Variants in ARHGEF17 observed in about 807,000 individuals in gnomAD.
ARHGEF17 encodes 164 kDa Rho-specific guanine-nucleotide exchange factor.
ARHGEF17 carries 80 observed loss-of-function variants against 174.0 expected under a neutral mutation model. The observed-to-expected ratio is 0.46, with a 90% CI of 0.38 to 0.55. The LOEUF (loss-of-function observed/expected upper bound fraction) is 0.55, where lower values mean the gene tolerates loss of function less well. Among genes scored for constraint, ARHGEF17 ranks in the 20% least tolerant of loss-of-function variants. The pLI is 0.00. For missense variants in ARHGEF17, 2,886 were observed against 2,839.7 expected (o/e 1.02, Z -0.37); for synonymous variants, 1,311 against 1,189.1 (o/e 1.10, Z -2.11).
chr11:73,316,842 A>T (rs1035128296), intron 1 of ARHGEF17, among the ~76,000 whole-genome samples: 4 of 152,110 alleles, frequency 2.6e-5, no homozygotes, highest in African/African-American at 9.7e-5. Flanking sequence ...CTCCATGTGG[A>T]TAGATTGCAA....
chr11:73,364,295 T>C, intron 17 of ARHGEF17, 56 bp downstream of exon 17: 1 of 1,603,696 alleles, frequency 6.2e-7, no homozygotes, highest in Non-Finnish European at 8.5e-7. Flanking sequence ...GTGTTGGGGC[T>C]CTCTCCTGGA....
At position 73,367,593 on chromosome 11, in the gene ARHGEF17, A is replaced by T. The variant is rs753453899; in HGVS notation, c.6005A>T (p.Lys2002Met). The stretch of plus-strand genomic sequence containing the variant: ...TCCCCTCTGCCCCCAGGCCCCGAGA[A>T]GCTGCCATCACTGGAGCACCGGGAC... The part of the protein sequence containing the change: ...PPPPPDTGPE[K>M]LPSLEHRDSP... Residue 2002 changes from lysine (K) to methionine (M), a missense_variant, in exon 21 of 21, where the codon AAG becomes ATG. Transcript: ENST00000263674. 2.2e-5 allele frequency: 35 copies of T among 1,611,810 alleles called. No homozygotes were observed. The Admixed American group carries it at 5.8e-4, about 27-fold the overall frequency.
chr11:73,348,636 G>A (rs1865503232), intron 2 of ARHGEF17, among the ~76,000 whole-genome samples: 1 of 152,056 alleles, frequency 6.6e-6, no homozygotes. Flanking sequence ...GAGGGAATGG[G>A]GAGTTACTAT....
chr11:73,317,313 A>G (rs1864943936), intron 1 of ARHGEF17, among the ~76,000 whole-genome samples: 1 of 152,130 alleles, frequency 6.6e-6, no homozygotes, highest in South Asian at 2.1e-4. Flanking sequence ...CCCCCAAGGT[A>G]GCCCCATCCC....
intron 7 of ARHGEF17, 128 bp downstream of exon 7, chr11:73,356,887 C>A: frequency 6.6e-7 from 1 of 1,503,836 alleles, no homozygotes. Flanking sequence ...CGAGTCCCCA[C>A]TCTGCTCTGA....
rs574921204 is a variant in ARHGEF17 at position 73,361,943 on chromosome 11, C to T, written c.4495-97C>T. 2.8e-6 allele frequency: 4 copies of T among 1,435,152 alleles called. No individual in the cohort carries two copies. In the African/African-American group the frequency reaches 4.2e-5, roughly 15 times the overall value. The allele number at this position is 1,435,152 out of a possible 1,614,324, so 88.9% of individuals were successfully genotyped here. On this transcript the variant is annotated intron_variant, in intron 12 of 20. Transcript: ENST00000263674. ...ATCCACACACACACACCCATGCAGG[C>T]CTGCCTCCCTCCATTCTGCCGGGGT...
At chr11:73,357,459 G>C in intron 9 of ARHGEF17, 132 bp downstream of exon 9, 3 of 781,404 alleles carry the variant, frequency 3.8e-6, no homozygotes, top group Non-Finnish European at 6.2e-6. Flanking sequence ...CTCTCATCCA[G>C]TGCAAGGGGG....
Position 73,308,491 on chromosome 11 carries a change from G to A in ARHGEF17, c.-148G>A. On this transcript the variant is annotated 5_prime_UTR_variant, in exon 1 of 21. Coordinates refer to ENST00000263674, the MANE Select transcript of ARHGEF17 (RefSeq NM_014786.4). The stretch of plus-strand genomic sequence containing the variant: ...CCACAGAAACTTGAGCCGCGGCAGA[G>A]AAACCTCTGCTCCGGTCTCTGCGTC... The A allele has an allele frequency of 2.9e-6, 2 of 694,056 alleles. No homozygotes were observed. Among genetic ancestry groups the A allele is most frequent in the Non-Finnish European group, 4.1e-6 (2 of 486,830 alleles). 43.0% of individuals were successfully genotyped at this position (694,056 alleles called of 1,614,324 possible). A position where few individuals can be genotyped will look rare whatever the true frequency, so the allele number is the denominator to read the frequency against.
rs770333924 is a variant in ARHGEF17, at chr11:73,311,483, C to T, written c.2845C>T (p.Arg949Trp). ...GSQDQTGSLS[R>W]ARPSSRHVRH... is the part of the protein sequence containing the mutation. ...TCAGGACCAGACTGGCAGCCTGTCTCGGGCCCGGCCCTCCTCCAGACACGT... is the reference window on the plus strand; with the variant it reads ...TCAGGACCAGACTGGCAGCCTGTCTTGGGCCCGGCCCTCCTCCAGACACGT... Residue 949 changes from arginine to tryptophan, a missense_variant, in exon 1 of 21, where the codon CGG becomes TGG. Physicochemically the swap from Arg to Trp is moderately radical, Grantham distance 101. This residue lies in a region of ARHGEF17 where 1,728 missense variants were observed against 1,461.2 expected (regional missense o/e 1.18). Coordinates refer to ENST00000263674, the MANE Select transcript of ARHGEF17 (RefSeq NM_014786.4). 8.1e-6 allele frequency: 13 copies of T among 1,613,050 alleles called. No homozygotes were observed. Among genetic ancestry groups the T allele is most frequent in the African/African-American group, 1.3e-5 (1 of 74,932 alleles).
In ARHGEF17 at chr11:73,362,161, TG is replaced by T. The variant is rs1247574627; in HGVS notation, c.4618del (p.Glu1540ArgfsTer32). ...CTGAGCCTGCGCGCCGAGCCGGACGTGGAGGCCTGCATCGCCGTCTGTTCCG... is the reference window on the plus strand; with the variant it reads ...CTGAGCCTGCGCGCCGAGCCGGACGTGAGGCCTGCATCGCCGTCTGTTCCG... ...CLLSLRAEPDVEACIAVCSAR... is the reference protein window; with the variant it reads ...CLLSLRAEPDXEACIAVCSAR... On this transcript the variant is annotated frameshift_variant, in exon 13 of 21. Coordinates refer to ENST00000263674, the MANE Select transcript of ARHGEF17 (RefSeq NM_014786.4). LOFTEE classifies it high-confidence loss of function. 1.2e-6 allele frequency: 2 copies of T among 1,602,562 alleles called. No homozygotes were observed. The highest frequency in any genetic ancestry group is 2.7e-5 in the African/African-American group (2 of 74,482).
intron 1 of ARHGEF17, among the ~76,000 whole-genome samples, chr11:73,331,614 G>A (rs985218875): frequency 2.0e-5 from 3 of 152,168 alleles, no homozygotes; most frequent in Non-Finnish European, 4.4e-5. Context: ...GGTTGGGCGA[G>A]GGGGAGTGGG....
In ARHGEF17 at chr11:73,311,814, G is replaced by A; in HGVS notation, c.3176G>A (p.Cys1059Tyr). The change falls in exon 1 of 21, where the codon TGC (cysteine) becomes TAC (tyrosine). Residue 1059 changes from cysteine (C) to tyrosine (Y), a missense_variant. Cys to Tyr is a radical substitution (Grantham distance 194, BLOSUM62 -2). Coordinates refer to ENST00000263674, the MANE Select transcript of ARHGEF17 (RefSeq NM_014786.4). ...ADEPTPASKC[C>Y]SKPQVDMRKH... ...GAGCCTACCCCTGCCAGCAAGTGCT[G>A]CAGCAAGCCACAGGTGGTGAGTCCT... 6.2e-7 allele frequency: 1 copy of A among 1,603,944 alleles called. No individual in the cohort carries two copies. The highest frequency in any genetic ancestry group is 8.5e-7 in the Non-Finnish European group (1 of 1,172,952).
rs574983655 is a variant in ARHGEF17 at position 73,367,882 on chromosome 11, G to T, written c.*102G>T. Reference sequence around the variant, plus strand: ...CTTTGACCAGGAGTATCCAGCCAGGGGCACACATGTGCCTGCGTGGGCTCT... The same window carrying T: ...CTTTGACCAGGAGTATCCAGCCAGGTGCACACATGTGCCTGCGTGGGCTCT... On this transcript the variant is annotated 3_prime_UTR_variant, in exon 21 of 21. Coordinates refer to ENST00000263674, the MANE Select transcript of ARHGEF17 (RefSeq NM_014786.4). The T allele has an allele frequency of 2.4e-4, 302 of 1,276,722 alleles. 1 individual carries two copies. In the African/African-American group the frequency reaches 4.2e-3, roughly 18 times the overall value. 79.1% of individuals were successfully genotyped at this position (1,276,722 alleles called of 1,614,324 possible). A position where few individuals can be genotyped will look rare whatever the true frequency, so the allele number is the denominator to read the frequency against.
chr11:73,342,743 A>G (rs925479273), intron 1 of ARHGEF17, among the ~76,000 whole-genome samples: 13 of 151,118 alleles, frequency 8.6e-5, no homozygotes, highest in Non-Finnish European at 1.5e-4. Context: ...GCCTTTGTCC[A>G]CGGGTGTGCG....
rs146587335 is a variant in ARHGEF17, at chr11:73,357,149, C to T, written c.4001+15C>T. The T allele has an allele frequency of 7.3e-3, 11,849 of 1,613,646 alleles. 124 individuals carry two copies. The highest frequency in any genetic ancestry group is 0.036 in the Middle Eastern group (219 of 6,060). ...TCCATGAGCCTGTGAGTGGCTGGGC[C>T]GGGGTTTGGGTGGTGCCAACAGGGG... is the stretch of plus-strand genomic sequence containing the variant. On this transcript the variant is annotated intron_variant, in intron 8 of 20. Coordinates refer to ENST00000263674, the MANE Select transcript of ARHGEF17 (RefSeq NM_014786.4).
chr11:73,352,743 C>G (rs1469777202), intron 2 of ARHGEF17, 87 bp from the exon 3 acceptor site: 10 of 1,477,490 alleles, frequency 6.8e-6, no homozygotes, highest in Non-Finnish European at 7.5e-6. Flanking sequence ...CCGGGTGATT[C>G]TGTGTGCACT....
At position 73,358,338 on chromosome 11, in the gene ARHGEF17, T is replaced by C. The variant is rs1218737047; in HGVS notation, c.4087+1011T>C. Among the ~76,000 whole-genome samples, 42 of 151,810 alleles carry C rather than the reference T, an allele frequency of 2.8e-4. 2 individuals are homozygous for C. Among genetic ancestry groups the C allele is most frequent in the Admixed American group, 2.8e-3 (42 of 15,242 alleles). On this transcript the variant is annotated intron_variant, in intron 9 of 20. Coordinates refer to ENST00000263674, the MANE Select transcript of ARHGEF17 (RefSeq NM_014786.4). ...CAAGGGGCCTGTGCCTCACAGAGGG[T>C]GCCTTCTATGTGTCCTCACTTGGCA...
At chr11:73,327,648 A>G (rs189082675) in intron 1 of ARHGEF17, among the ~76,000 whole-genome samples, 1 of 152,338 alleles carries the variant, frequency 6.6e-6, no homozygotes, top group Non-Finnish European at 1.5e-5. Context: ...AGCATGTGCA[A>G]AGGGCCCAGG....
chr11:73,353,795 C>A (rs1238909668), intron 3 of ARHGEF17, among the ~76,000 whole-genome samples: 2 of 152,162 alleles, frequency 1.3e-5, no homozygotes, highest in Non-Finnish European at 2.9e-5. Context: ...AAAAGAACAT[C>A]GAAAGCAAAA....
Sources: allele counts gnomAD v4.1 joint callset (sites outside exome capture counted in the v4.1 genomes callset), GRCh38; gene constraint gnomAD v4.1.1; regional missense constraint gnomAD v4.1.1; transcripts MANE v1.5; gene names NCBI Gene and HGNC (gene_info 2026-07-23, HGNC 2026-07-21).